Variants in WWOX observed in about 807,000 individuals in gnomAD.
WWOX encodes WW domain-containing oxidoreductase.
A neutral mutation model predicts 46.2 loss-of-function variants in WWOX; 69 were observed. That is an observed-to-expected ratio of 1.49 (90% CI 1.23 to 1.82). The LOEUF (loss-of-function observed/expected upper bound fraction) is 1.82, where lower values mean the gene tolerates loss of function less well. WWOX is among the 40% of genes most tolerant of loss of function. WWOX has a pLI of 0.00. For missense variants in WWOX, 919 were observed against 542.6 expected (o/e 1.69, Z -6.89); for synonymous variants, 359 against 202.6 (o/e 1.77, Z -6.56).
At chr16:78,442,685 A>G (rs546822042) in intron 8 of WWOX, among the ~76,000 whole-genome samples, 1 of 152,260 alleles carries the variant, frequency 6.6e-6, no homozygotes, top group Admixed American at 6.5e-5. Context: ...ATTGAACATA[A>G]AAACCTCATA....
At chr16:78,759,652 A>G (rs893265877) in intron 8 of WWOX, among the ~76,000 whole-genome samples, 3 of 152,220 alleles carry the variant, frequency 2.0e-5, no homozygotes, top group Admixed American at 6.5e-5. Flanking sequence ...ACAATCATCC[A>G]TTTGGAAGAA....
At chr16:79,098,543 A>G (rs8049461) in intron 8 of WWOX, among the ~76,000 whole-genome samples, 19,522 of 152,240 alleles carry the variant, frequency 0.13, 1,299 homozygotes, top group East Asian at 0.18. Context: ...GATTTCTCCA[A>G]AAGCAATTAT....
intron 6 of WWOX, among the ~76,000 whole-genome samples, chr16:78,416,012 T>G (rs1199395607): frequency 1.3e-5 from 2 of 152,196 alleles, no homozygotes; most frequent in Non-Finnish European, 2.9e-5. Flanking sequence ...ATGTAGAACC[T>G]GCATGCTGCC....
At chr16:78,462,010 T>C (rs2083962690) in intron 8 of WWOX, among the ~76,000 whole-genome samples, 1 of 152,212 alleles carries the variant, frequency 6.6e-6, no homozygotes, top group Admixed American at 6.5e-5. Context: ...ATTAAACTCC[T>C]CTGGTTTTAG....
intron 8 of WWOX, chr16:79,203,053 A>T (rs1250940842): frequency 6.6e-6 from 1 of 152,224 alleles, no homozygotes; most frequent in Admixed American, 6.5e-5. Flanking sequence ...CCGAGGCAGA[A>T]TTATTTACCC....
At chr16:78,543,458 G>C (rs1327881149) in intron 8 of WWOX, among the ~76,000 whole-genome samples, 2 of 152,196 alleles carry the variant, frequency 1.3e-5, no homozygotes, top group Non-Finnish European at 2.9e-5. Flanking sequence ...AGTCAAACTT[G>C]TGAACAGAGC....
At chr16:78,644,289 C>G (rs984929018) in intron 8 of WWOX, among the ~76,000 whole-genome samples, 6 of 152,148 alleles carry the variant, frequency 3.9e-5, no homozygotes, top group African/African-American at 1.4e-4. Flanking sequence ...CCCTAAGCAT[C>G]TGATCAGACA....
chr16:78,965,099 A>G (rs2046340348), intron 8 of WWOX, among the ~76,000 whole-genome samples: 1 of 152,218 alleles, frequency 6.6e-6, no homozygotes, highest in South Asian at 2.1e-4. Context: ...CTGAAGGGAA[A>G]TGTAGGGCTG....
intron 8 of WWOX, among the ~76,000 whole-genome samples, chr16:78,608,666 A>T (rs771747644): frequency 6.6e-6 from 1 of 152,148 alleles, no homozygotes; most frequent in Non-Finnish European, 1.5e-5. Context: ...GTTGGCGTCC[A>T]CCCTTGGTTT....
intron 8 of WWOX, among the ~76,000 whole-genome samples, chr16:78,619,959 T>C (rs2046137570): frequency 6.6e-6 from 1 of 152,158 alleles, no homozygotes; most frequent in African/African-American, 2.4e-5. Context: ...GCCTTATCTT[T>C]ATCTGAGTTC....
chr16:78,967,692 G>C (rs1222390182), intron 8 of WWOX, among the ~76,000 whole-genome samples: 2 of 152,024 alleles, frequency 1.3e-5, no homozygotes, highest in Non-Finnish European at 2.9e-5. Context: ...GTGGGTGTTA[G>C]GTTCCCACAG....
intron 8 of WWOX, among the ~76,000 whole-genome samples, chr16:78,756,162 C>A (rs970104505): frequency 6.6e-6 from 1 of 152,160 alleles, no homozygotes; most frequent in African/African-American, 2.4e-5. Flanking sequence ...ACTTGAATTT[C>A]TAGTATGTAC....
At chr16:78,414,464 G>A (rs1054272462) in intron 6 of WWOX, among the ~76,000 whole-genome samples, 2 of 152,176 alleles carry the variant, frequency 1.3e-5, no homozygotes, top group African/African-American at 2.4e-5. Context: ...AGCTACTCAG[G>A]AGGTTGAGGC....
intron 6 of WWOX, among the ~76,000 whole-genome samples, chr16:78,424,562 T>G (rs2083031159): frequency 6.6e-6 from 1 of 152,206 alleles, no homozygotes; most frequent in African/African-American, 2.4e-5. Flanking sequence ...CCAACTAGGG[T>G]GACAACTCTT....
intron 5 of WWOX, among the ~76,000 whole-genome samples, chr16:78,253,617 G>T (rs1041655660): frequency 1.2e-4 from 18 of 152,150 alleles, no homozygotes; most frequent in African/African-American, 4.1e-4. Context: ...TGTTCAAACA[G>T]TATTGGTTTA....
chr16:78,178,863 C>CA (rs5818110), intron 5 of WWOX, among the ~76,000 whole-genome samples: 92,521 of 138,492 alleles, frequency 0.67, 30,356 homozygotes, highest in African/African-American at 0.81. Context: ...GATTCCGTCT[C>CA]AAAAAAAAAA....
intron 8 of WWOX, among the ~76,000 whole-genome samples, chr16:78,582,745 T>C (rs1438557881): frequency 6.6e-6 from 1 of 152,194 alleles, no homozygotes; most frequent in Non-Finnish European, 1.5e-5. Context: ...TCTTCATCAA[T>C]TTGAGCCAAA....
At chr16:78,273,914 C>T (rs1045664632) in intron 5 of WWOX, among the ~76,000 whole-genome samples, 13 of 152,166 alleles carry the variant, frequency 8.5e-5, no homozygotes, top group South Asian at 4.1e-4. Context: ...CCATTGGCAC[C>T]TGGATTTAGA....
intron 8 of WWOX, among the ~76,000 whole-genome samples, chr16:78,835,189 T>C (rs2051945229): frequency 6.6e-6 from 1 of 152,202 alleles, no homozygotes; most frequent in Non-Finnish European, 1.5e-5. Flanking sequence ...ACATTAGCTG[T>C]CTTTATTATA....
Sources: gnomAD v4.1 joint callset for allele counts (sites outside exome capture counted in the v4.1 genomes callset) on GRCh38, gnomAD v4.1.1 for gene constraint, MANE v1.5 for transcripts, NCBI Gene and HGNC (gene_info 2026-07-23, HGNC 2026-07-21) for gene names.